PCGF5: variants seen among roughly 807,000 people sequenced by gnomAD.
PCGF5 encodes the protein polycomb group ring finger 5, also known as polycomb group RING finger protein 5.
In PCGF5, 9 loss-of-function variants were observed where a neutral mutation model predicts 44.3. That is an observed-to-expected ratio of 0.20 (90% CI 0.12 to 0.35). The LOEUF is 0.35. Among genes scored for constraint, PCGF5 ranks in the 10% least tolerant of loss-of-function variants. The pLI, the probability that PCGF5 is intolerant of heterozygous loss-of-function variation, is 1.00. For synonymous variants in PCGF5, 95 were observed against 102.5 expected, an observed-to-expected ratio of 0.93 and a Z score of 0.44; for missense variants, 146 against 305.3, an observed-to-expected ratio of 0.48 and a Z score of 3.89.
intron 1 of PCGF5, among the ~76,000 whole-genome samples, chr10:91,200,269 A>G (rs536651444): frequency 5.3e-5 from 8 of 152,324 alleles, no homozygotes; most frequent in African/African-American, 1.4e-4. Context: ...AGTGTCTGCT[A>G]TAGGGGATTG....
At chr10:91,210,577 C>G (rs1316250430) in intron 1 of PCGF5, among the ~76,000 whole-genome samples, 1 of 152,206 alleles carries the variant, frequency 6.6e-6, no homozygotes, top group African/African-American at 2.4e-5. Flanking sequence ...GCCAGCAGAA[C>G]CTGTGGTCTG....
At chr10:91,210,240 G>A (rs1844424089) in intron 1 of PCGF5, among the ~76,000 whole-genome samples, 1 of 152,180 alleles carries the variant, frequency 6.6e-6, no homozygotes. Flanking sequence ...TTTTCTGCCA[G>A]AGAGTGCTAC....
intron 6 of PCGF5, 23 bp downstream of exon 6, chr10:91,251,463 A>G: frequency 6.2e-7 from 1 of 1,602,110 alleles, no homozygotes; most frequent in East Asian, 2.2e-5. Flanking sequence ...GTACTATGGT[A>G]TTTTTATGAT....
At chr10:91,199,492 C>T (rs1462887052) in intron 1 of PCGF5, among the ~76,000 whole-genome samples, 2 of 152,218 alleles carry the variant, frequency 1.3e-5, no homozygotes, top group East Asian at 3.9e-4. Flanking sequence ...ATCTTTGCAG[C>T]TGAGGACATG....
chr10:91,220,792 C>G lies in PCGF5; in HGVS notation c.-228C>G, dbSNP rs555885825. On this transcript the variant is annotated 5_prime_UTR_variant, in exon 1 of 10. Coordinates refer to ENST00000336126, the MANE Select transcript of PCGF5 (RefSeq NM_032373.5). Reference sequence around the variant, plus strand: ...TGTTTCACTTTCCTTCACTCTGAGGCCGGCGCGCTGGCGGGCGAGGAGCGG... The same window carrying G: ...TGTTTCACTTTCCTTCACTCTGAGGGCGGCGCGCTGGCGGGCGAGGAGCGG... The G allele has an allele frequency of 5.2e-5, 8 of 154,216 alleles. 1 individual carries two copies. In the South Asian group the frequency reaches 1.6e-3, roughly 32 times the overall value. The allele number at this position is 154,216 out of a possible 1,614,324, so 9.6% of individuals were successfully genotyped here. A position where few individuals can be genotyped will look rare whatever the true frequency, so the allele number is the denominator to read the frequency against.
intron 1 of PCGF5, among the ~76,000 whole-genome samples, chr10:91,170,039 A>G (rs1384989628): frequency 2.0e-5 from 3 of 152,218 alleles, no homozygotes; most frequent in African/African-American, 7.2e-5. Flanking sequence ...TTTTCAGCAA[A>G]TGGGTGAGGC....
At position 91,222,931 on chromosome 10, in the gene PCGF5, C is replaced by T. The variant is rs946907776; in HGVS notation, c.60C>T (p.Ile20=). 2 of 1,613,410 alleles carry T rather than the reference C, an allele frequency of 1.2e-6. No individual in the cohort carries two copies. Among genetic ancestry groups the T allele is most frequent in the Non-Finnish European group, 1.7e-6 (2 of 1,179,434 alleles). ...KDFNPYITCY[I]CKGYLIKPTT... Reference sequence around the variant, plus strand: ...TTAATCCTTACATTACCTGCTATATCTGTAAAGGGTATCTGATCAAGCCAA... The same window carrying T: ...TTAATCCTTACATTACCTGCTATATTTGTAAAGGGTATCTGATCAAGCCAA... Residue 20 remains isoleucine, a synonymous_variant, in exon 2 of 10, where the codon ATC becomes ATT. Coordinates refer to ENST00000336126, the MANE Select transcript of PCGF5 (RefSeq NM_032373.5).
Position 91,265,719 on chromosome 10 carries a change from CA to C in PCGF5, c.663+1200del, listed in dbSNP as rs897064072. On this transcript the variant is annotated intron_variant, in intron 8 of 9. Coordinates refer to ENST00000336126, the MANE Select transcript of PCGF5 (RefSeq NM_032373.5). ...TATGGGTAAGATATTTGGCTCTTTGCAGAAGAAATGTCTTGATATCATATAA... is the reference window on the plus strand; with the variant it reads ...TATGGGTAAGATATTTGGCTCTTTGCGAAGAAATGTCTTGATATCATATAA... 1.8e-4 allele frequency among the ~76,000 whole-genome samples: 28 copies of C among 152,232 alleles called. 1 individual carries two copies. The highest frequency in any genetic ancestry group is 1.7e-3 in the Admixed American group (26 of 15,286).
upstream of PCGF5, among the ~76,000 whole-genome samples, chr10:91,160,909 C>T (rs1203406750): frequency 1.3e-5 from 2 of 152,184 alleles, no homozygotes; most frequent in African/African-American, 2.4e-5. Flanking sequence ...AGTCATTTGC[C>T]GCTGGGCTCT....
chr10:91,277,344 T>G (rs1282666190), intron 9 of PCGF5, among the ~76,000 whole-genome samples: 3 of 152,256 alleles, frequency 2.0e-5, no homozygotes, highest in Non-Finnish European at 4.4e-5. Context: ...TGGAGAAACA[T>G]TAGTCAGTGA....
intron 1 of PCGF5, among the ~76,000 whole-genome samples, chr10:91,200,333 G>A (rs1410907884): frequency 6.6e-6 from 1 of 152,174 alleles, no homozygotes; most frequent in East Asian, 1.9e-4. Flanking sequence ...GGTTCTTTAT[G>A]CTGATTATTA....
chr10:91,207,180 A>G (rs1318956350), intron 1 of PCGF5, among the ~76,000 whole-genome samples: 1 of 152,144 alleles, frequency 6.6e-6, no homozygotes, highest in Non-Finnish European at 1.5e-5. Context: ...TCAGCCTATC[A>G]TTTACTTTTA....
intron 1 of PCGF5, among the ~76,000 whole-genome samples, chr10:91,167,506 C>T (rs1187895948): frequency 5.9e-5 from 9 of 152,114 alleles, no homozygotes; most frequent in Admixed American, 3.9e-4. Flanking sequence ...CTTCAATCGG[C>T]AAAAATGTAG....
At chr10:91,159,889 G>C (rs553152902), upstream of PCGF5, among the ~76,000 whole-genome samples, 1 of 152,242 alleles carries the variant, frequency 6.6e-6, no homozygotes, top group African/African-American at 2.4e-5. Context: ...AGTCTTTTGG[G>C]CTTCAGTTCC....
chr10:91,259,366 C>G (rs939164468), intron 6 of PCGF5, among the ~76,000 whole-genome samples: 4 of 152,150 alleles, frequency 2.6e-5, no homozygotes, highest in African/African-American at 7.2e-5. Flanking sequence ...CATTTGACAT[C>G]ACTGCTCTTT....
chr10:91,230,786 GT>G (rs760536634), intron 2 of PCGF5, among the ~76,000 whole-genome samples: 6 of 151,768 alleles, frequency 4.0e-5, no homozygotes, highest in African/African-American at 1.5e-4. Context: ...TGCCCAGCTA[GT>G]TTTTTTTGTA....
At chr10:91,168,868 C>T (rs190563156) in intron 1 of PCGF5, among the ~76,000 whole-genome samples, 77 of 128,286 alleles carry the variant, frequency 6.0e-4, no homozygotes, top group African/African-American at 2.1e-3. Context: ...GCGGAGGTTG[C>T]AGTGAGCTGA....
intron 6 of PCGF5, among the ~76,000 whole-genome samples, chr10:91,255,653 T>C (rs538579960): frequency 1.3e-5 from 2 of 152,214 alleles, no homozygotes; most frequent in East Asian, 3.9e-4. Flanking sequence ...ACAGACTTTA[T>C]GGAATTAGTT....
chr10:91,187,532 AAAAC>A (rs1476700932), intron 1 of PCGF5, among the ~76,000 whole-genome samples: 1 of 152,138 alleles, frequency 6.6e-6, no homozygotes, highest in Non-Finnish European at 1.5e-5. Context: ...AAAAAAAACA[AAAAC>A]AAAAACCCAG....
Sources: allele counts gnomAD v4.1 joint callset (sites outside exome capture counted in the v4.1 genomes callset), GRCh38; gene constraint gnomAD v4.1.1; transcripts MANE v1.5; gene names NCBI Gene and HGNC (gene_info 2026-07-23, HGNC 2026-07-21).